Variants in BMP6 observed in about 807,000 individuals in gnomAD.
BMP6 encodes VG-1-R.
In BMP6, 17 loss-of-function variants were observed where a neutral mutation model predicts 54.1. That is an observed-to-expected ratio of 0.31 (90% CI 0.22 to 0.47). The LOEUF (loss-of-function observed/expected upper bound fraction) is 0.47. Among genes scored for constraint, BMP6 ranks in the 20% least tolerant of loss-of-function variants. The pLI, the probability that BMP6 is intolerant of heterozygous loss-of-function variation, is 1.00. For synonymous variants in BMP6, 328 were observed against 291.2 expected, an observed-to-expected ratio of 1.13 and a Z score of -1.28; for missense variants, 720 against 690.4, an observed-to-expected ratio of 1.04 and a Z score of -0.48.
rs576344396 is a variant in BMP6 at position 7,735,190 on chromosome 6, C to T, written c.664+7571C>T. 5.3e-5 allele frequency among the ~76,000 whole-genome samples: 8 copies of T among 152,336 alleles called. No individual in the cohort carries two copies. In the South Asian group the frequency reaches 1.2e-3, roughly 24 times the overall value. On this transcript the variant is annotated intron_variant, in intron 1 of 6. Transcript: ENST00000283147. ...ACGGGCCTTATTATCACTCTCCTGC[C>T]GCTTGCCCTTTCACCGTCCAGAACG...
At position 7,778,171 on chromosome 6, in the gene BMP6, G is replaced by A. The variant is rs142118535; in HGVS notation, c.664+50552G>A. On this transcript the variant is annotated intron_variant, in intron 1 of 6. Coordinates refer to ENST00000283147, the MANE Select transcript of BMP6 (RefSeq NM_001718.6). The stretch of plus-strand genomic sequence containing the variant: ...TAGGGAGAGGTGTGTCATAAAAGGC[G>A]TGACGTATCTTTTACACCCTCCTCT... 8.5e-5 allele frequency among the ~76,000 whole-genome samples: 13 copies of A among 152,260 alleles called. No individual in the cohort carries two copies. The East Asian group carries it at 1.7e-3, about 20-fold the overall frequency.
intron 1 of BMP6, among the ~76,000 whole-genome samples, chr6:7,809,606 C>T (rs1265791628): frequency 6.6e-6 from 1 of 152,134 alleles, no homozygotes; most frequent in Non-Finnish European, 1.5e-5. Flanking sequence ...ACATTTAATC[C>T]AGGAGATACT....
intron 3 of BMP6, 132 bp from the exon 4 acceptor site, chr6:7,862,169 A>T: frequency 9.1e-7 from 1 of 1,097,432 alleles, no homozygotes; most frequent in Non-Finnish European, 1.3e-6. Flanking sequence ...GTTTGGGGAT[A>T]CATGATCTTC....
At chr6:7,807,271 C>T (rs1210887406) in intron 1 of BMP6, among the ~76,000 whole-genome samples, 3 of 151,988 alleles carry the variant, frequency 2.0e-5, no homozygotes, top group Admixed American at 1.3e-4. Context: ...CTCCTGGGAC[C>T]TCGTTGTTTT....
chr6:7,794,477 T>C (rs552908321), intron 1 of BMP6, among the ~76,000 whole-genome samples: 3 of 152,080 alleles, frequency 2.0e-5, no homozygotes, highest in Admixed American at 6.5e-5. Flanking sequence ...GCTCATGCCT[T>C]TAGACCCAGC....
At chr6:7,755,482 G>T (rs1212909175) in intron 1 of BMP6, among the ~76,000 whole-genome samples, 1 of 151,934 alleles carries the variant, frequency 6.6e-6, no homozygotes, top group Non-Finnish European at 1.5e-5. Flanking sequence ...TCTGTTCTTT[G>T]TACTATTGTT....
At chr6:7,857,028 C>T (rs1259614719) in intron 2 of BMP6, among the ~76,000 whole-genome samples, 2 of 152,218 alleles carry the variant, frequency 1.3e-5, no homozygotes, top group Non-Finnish European at 2.9e-5. Flanking sequence ...CAGGCACCTC[C>T]TGCCCTTGTC....
chr6:7,770,617 C>A (rs1197102979), intron 1 of BMP6, among the ~76,000 whole-genome samples: 2 of 152,280 alleles, frequency 1.3e-5, no homozygotes, highest in African/African-American at 4.8e-5. Flanking sequence ...TATGGTATTA[C>A]CCACACCCGG....
chr6:7,835,835 A>T (rs184807828), intron 1 of BMP6, among the ~76,000 whole-genome samples: 1 of 146,702 alleles, frequency 6.8e-6, no homozygotes, highest in South Asian at 2.2e-4. Context: ...CATCTCCCCA[A>T]TTTTTTTTTT....
intron 1 of BMP6, among the ~76,000 whole-genome samples, chr6:7,829,221 T>A (rs1758750388): frequency 6.6e-6 from 1 of 152,188 alleles, no homozygotes; most frequent in Non-Finnish European, 1.5e-5. Flanking sequence ...GACTCTCAAT[T>A]TTTCAAGGAA....
At chr6:7,812,410 T>C (rs945780830) in intron 1 of BMP6, among the ~76,000 whole-genome samples, 1 of 152,088 alleles carries the variant, frequency 6.6e-6, no homozygotes, top group Non-Finnish European at 1.5e-5. Context: ...AAAATAAAGG[T>C]GATGGTTTTA....
intron 1 of BMP6, among the ~76,000 whole-genome samples, chr6:7,775,526 G>A (rs1003073049): frequency 1.3e-5 from 2 of 152,198 alleles, no homozygotes; most frequent in African/African-American, 4.8e-5. Flanking sequence ...CCTGTTTATT[G>A]TAATGTAAGA....
At position 7,727,372 on chromosome 6, in the gene BMP6, G is replaced by A. The variant is rs748303794; in HGVS notation, c.417G>A (p.Leu139=). 6.2e-7 allele frequency: 1 copy of A among 1,609,348 alleles called. No individual in the cohort carries two copies. The highest frequency in any genetic ancestry group is 1.1e-5 in the South Asian group (1 of 90,692). The change falls in exon 1 of 7, where the codon CTG becomes CTA. Residue 139 remains leucine, a synonymous_variant. Coordinates refer to ENST00000283147, the MANE Select transcript of BMP6 (RefSeq NM_001718.6). The stretch of plus-strand genomic sequence containing the variant: ...CCGCGCCCCTCTTCATGCTGGATCT[G>A]TACAACGCCCTGTCCGCCGACAACG... ...LKSAPLFMLD[L]YNALSADNDE...
At chr6:7,814,802 A>C (rs1234995048) in intron 1 of BMP6, among the ~76,000 whole-genome samples, 1 of 152,102 alleles carries the variant, frequency 6.6e-6, no homozygotes, top group Non-Finnish European at 1.5e-5. Context: ...GGGGAACATC[A>C]CATACCGGGG....
At chr6:7,837,428 CATAG>C (rs1212744356) in intron 1 of BMP6, among the ~76,000 whole-genome samples, 2 of 152,068 alleles carry the variant, frequency 1.3e-5, no homozygotes, top group Non-Finnish European at 2.9e-5. Context: ...GAGAAACAAC[CATAG>C]ATAGAGCAGA....
chr6:7,749,503 C>T lies in BMP6; in HGVS notation c.664+21884C>T, dbSNP rs980488642. Among the ~76,000 whole-genome samples the T allele has an allele frequency of 3.9e-5, 6 of 152,106 alleles. 1 individual carries two copies. Among genetic ancestry groups the T allele is most frequent in the South Asian group, 4.1e-4 (2 of 4,820 alleles). On this transcript the variant is annotated intron_variant, in intron 1 of 6. Coordinates refer to ENST00000283147, the MANE Select transcript of BMP6 (RefSeq NM_001718.6). ...TTTTCAGAACGAGGCAGGAGCAAAA[C>T]GAATTACTGCTCAAAATCAATAATA...
intron 1 of BMP6, among the ~76,000 whole-genome samples, chr6:7,782,093 TGAGA>T (rs1382899836): frequency 1.3e-5 from 2 of 150,950 alleles, no homozygotes; most frequent in Non-Finnish European, 3.0e-5. Flanking sequence ...CAAATGAACT[TGAGA>T]GAGATTCAGG....
In BMP6 at chr6:7,727,180, G is replaced by A. The variant is rs201788022; in HGVS notation, c.225G>A (p.Glu75=). The change falls in exon 1 of 7, where the codon GAG becomes GAA. Residue 75 remains glutamate, a synonymous_variant. Coordinates refer to ENST00000283147, the MANE Select transcript of BMP6 (RefSeq NM_001718.6). The part of the protein sequence containing the change: ...GFLYRRLKTQ[E]KREMQKEILS... ...TGTACCGGCGGCTCAAGACGCAGGA[G>A]AAGCGGGAGATGCAGAAGGAGATCT... is the stretch of plus-strand genomic sequence containing the variant. The A allele has an allele frequency of 3.7e-3, 5,972 of 1,599,744 alleles. 28 individuals are homozygous for A. Among genetic ancestry groups the A allele is most frequent in the Non-Finnish European group, 3.8e-3 (4,497 of 1,174,088 alleles).
chr6:7,790,275 G>T (rs1238690522), intron 1 of BMP6, among the ~76,000 whole-genome samples: 1 of 152,124 alleles, frequency 6.6e-6, no homozygotes, highest in Non-Finnish European at 1.5e-5. Flanking sequence ...CACACTTTGG[G>T]ATGCGGAAGC....
Sources: gnomAD v4.1 joint callset for allele counts (sites outside exome capture counted in the v4.1 genomes callset) on GRCh38, gnomAD v4.1.1 for gene constraint, MANE v1.5 for transcripts, NCBI Gene and HGNC (gene_info 2026-07-23, HGNC 2026-07-21) for gene names.